PPP1R13B: variants seen among roughly 807,000 people sequenced by gnomAD.
PPP1R13B encodes protein phosphatase 1 regulatory subunit 13B.
In PPP1R13B, 44 loss-of-function variants were observed where a neutral mutation model predicts 119.8. That is an observed-to-expected ratio of 0.37 (90% confidence interval 0.29 to 0.47). PPP1R13B has a LOEUF of 0.47. PPP1R13B is among the 20% of genes least tolerant of loss of function. The pLI, the probability that PPP1R13B is intolerant of heterozygous loss-of-function variation, is 0.99. For missense variants in PPP1R13B, 1,227 were observed against 1,413.5 expected (o/e 0.87, Z 2.12); for synonymous variants, 542 against 561.5 (o/e 0.97, Z 0.49).
rs1345103860 is a variant in PPP1R13B, at chr14:103,733,915, C to T, written c.*1239G>A. 6.4e-6 allele frequency: 1 copy of T among 155,170 alleles called. No homozygotes were observed. Among genetic ancestry groups the T allele is most frequent in the Non-Finnish European group, 1.4e-5 (1 of 69,854 alleles). 9.6% of individuals were successfully genotyped at this position (155,170 alleles called of 1,614,324 possible). A position where few individuals can be genotyped will look rare whatever the true frequency, so the allele number is the denominator to read the frequency against. ...AAGGTGATGGGCTACAGTGCTGCAT[C>T]AGTGAGTCTGTACACACATTTTTAC... On this transcript the variant is annotated 3_prime_UTR_variant, in exon 17 of 17. Coordinates refer to ENST00000202556, the MANE Select transcript of PPP1R13B (RefSeq NM_015316.3).
chr14:103,761,761 T>G lies in PPP1R13B; in HGVS notation c.355-4010A>C, dbSNP rs1485849342. Among the ~76,000 whole-genome samples the G allele has an allele frequency of 4.4e-5, 6 of 135,134 alleles. No individual in the cohort carries two copies. In the Middle Eastern group the frequency reaches 0.012, roughly 270 times the overall value. The allele number at this position is 135,134 out of a possible 152,430, so 88.7% of individuals were successfully genotyped here. ...CTGGGCAACAGAGCAAGACTCCATC[T>G]CAAAAAAAAAAAAAGAAAAAGAAAA... On this transcript the variant is annotated intron_variant, in intron 4 of 16. Transcript: ENST00000202556.
rs932778922 is a variant in PPP1R13B, at chr14:103,841,605, G to GA, written c.9+5693dup. 1.6e-4 allele frequency among the ~76,000 whole-genome samples: 24 copies of GA among 151,518 alleles called. 1 individual carries two copies. The highest frequency in any genetic ancestry group is 4.6e-4 in the Admixed American group (7 of 15,174). On this transcript the variant is annotated intron_variant, in intron 1 of 16. Transcript: ENST00000202556. ...ACTCCAACTCAAAAAGAAAAAAAAA[G>GA]AAAAAAAAATTTTTTTAAATATTGT...
intron 1 of PPP1R13B, among the ~76,000 whole-genome samples, chr14:103,827,904 T>G (rs984912965): frequency 1.3e-5 from 2 of 152,074 alleles, no homozygotes; most frequent in East Asian, 3.9e-4. Context: ...AGCCTTAGTA[T>G]CTAACTACCA....
intron 1 of PPP1R13B, among the ~76,000 whole-genome samples, chr14:103,800,666 A>AT (rs1246750826): frequency 6.6e-6 from 1 of 151,912 alleles, no homozygotes; most frequent in Non-Finnish European, 1.5e-5. Flanking sequence ...AAAACAAAAA[A>AT]AACAAAAAAC....
At chr14:103,803,703 C>A (rs1024602338) in intron 1 of PPP1R13B, among the ~76,000 whole-genome samples, 1 of 152,108 alleles carries the variant, frequency 6.6e-6, no homozygotes, top group African/African-American at 2.4e-5. Context: ...ATTTGGTTAG[C>A]TACAGTTAGG....
At position 103,816,319 on chromosome 14, in the gene PPP1R13B, G is replaced by A. The variant is rs1034695064; in HGVS notation, c.10-18801C>T. Among the ~76,000 whole-genome samples the A allele has an allele frequency of 1.1e-4, 16 of 145,132 alleles. 1 individual carries two copies. Among genetic ancestry groups the A allele is most frequent in the South Asian group, 5.1e-4 (2 of 3,954 alleles). ...AATACAGGTGCGTGCCACCACCCCC[G>A]GCTAATTTTTGTATTTTTAGTAGAG... On this transcript the variant is annotated intron_variant, in intron 1 of 16. Coordinates refer to ENST00000202556, the MANE Select transcript of PPP1R13B (RefSeq NM_015316.3).
At position 103,737,828 on chromosome 14, in the gene PPP1R13B, C is replaced by G; in HGVS notation, c.2897G>C (p.Ser966Thr). 1 of 1,614,196 alleles carries G rather than the reference C, an allele frequency of 6.2e-7. No individual in the cohort carries two copies. Among genetic ancestry groups the G allele is most frequent in the Non-Finnish European group, 8.5e-7 (1 of 1,180,034 alleles). The change falls in exon 15 of 17, where the codon AGC (serine) becomes ACC (threonine). Residue 966 changes from serine to threonine, a missense_variant. Physicochemically the swap from Ser to Thr is moderately conservative, Grantham distance 58. Transcript: ENST00000202556. ...TPLHCAASCN[S>T]VHLCKQLVES... The stretch of plus-strand genomic sequence containing the variant: ...CACCAGCTGTTTGCAGAGGTGAACG[C>G]TGTTACAAGAGGCAGCGCAGTGCAG...
chr14:103,783,574 GTC>G, intron 3 of PPP1R13B, among the ~76,000 whole-genome samples: 1 of 149,784 alleles, frequency 6.7e-6, no homozygotes, highest in East Asian at 2.0e-4. Context: ...TTGAGACAGG[GTC>G]TCTCTCTGTT....
At chr14:103,802,750 G>T (rs565928575) in intron 1 of PPP1R13B, among the ~76,000 whole-genome samples, 1 of 152,124 alleles carries the variant, frequency 6.6e-6, no homozygotes, top group Non-Finnish European at 1.5e-5. Context: ...CAGCTCATGA[G>T]TAAGTTCAAT....
Position 103,762,710 on chromosome 14 carries a change from G to T in PPP1R13B, c.355-4959C>A. On this transcript the variant is annotated intron_variant, in intron 4 of 16. Transcript: ENST00000202556. ...AGAGCAAGAGAACGACTCAGTCCCT[G>T]GGTGTCGGCGGTGGCCGTGGGGGTG... 4 of 628,688 alleles carry T rather than the reference G, an allele frequency of 6.4e-6. No homozygotes were observed. In the Admixed American group the frequency reaches 6.8e-5, roughly 11 times the overall value. The allele number at this position is 628,688 out of a possible 1,614,324, so 38.9% of individuals were successfully genotyped here.
At chr14:103,783,213 CT>C (rs35583523) in intron 3 of PPP1R13B, among the ~76,000 whole-genome samples, 3 of 151,180 alleles carry the variant, frequency 2.0e-5, no homozygotes, top group African/African-American at 7.3e-5. Context: ...TATCTTTTGA[CT>C]TTTTTTTTAG....
At chr14:103,811,094 C>CA (rs36017203) in intron 1 of PPP1R13B, among the ~76,000 whole-genome samples, 2,414 of 65,110 alleles carry the variant, frequency 0.037, 66 homozygotes, top group East Asian at 0.13. Flanking sequence ...GACTCCTCCT[C>CA]AAAAAAAAAA....
At position 103,844,049 on chromosome 14, in the gene PPP1R13B, T is replaced by G. The variant is rs969438971; in HGVS notation, c.9+3250A>C. Among the ~76,000 whole-genome samples the G allele has an allele frequency of 3.3e-5, 5 of 150,842 alleles. No homozygotes were observed. The South Asian group carries it at 1.1e-3, about 32-fold the overall frequency. ...TGGGAGGCTGGGGCGGGCAGATCACTCAAGCTCAGAAATTCGAGACCAGCT... is the reference window on the plus strand; with the variant it reads ...TGGGAGGCTGGGGCGGGCAGATCACGCAAGCTCAGAAATTCGAGACCAGCT... On this transcript the variant is annotated intron_variant, in intron 1 of 16. Coordinates refer to ENST00000202556, the MANE Select transcript of PPP1R13B (RefSeq NM_015316.3).
At chr14:103,744,787 G>A (rs2084347780) in intron 9 of PPP1R13B, among the ~76,000 whole-genome samples, 1 of 152,220 alleles carries the variant, frequency 6.6e-6, no homozygotes. Context: ...TCACAGCCCA[G>A]CTCCACCTCT....
chr14:103,830,422 C>T (rs925218436), intron 1 of PPP1R13B, among the ~76,000 whole-genome samples: 2 of 152,072 alleles, frequency 1.3e-5, no homozygotes, highest in African/African-American at 2.4e-5. Context: ...TATGTAACAA[C>T]TCATTTAAAA....
At chr14:103,788,474 A>G (rs1349564564) in intron 2 of PPP1R13B, among the ~76,000 whole-genome samples, 1 of 152,162 alleles carries the variant, frequency 6.6e-6, no homozygotes. Flanking sequence ...GGATGCATGT[A>G]TGGTTTATTC....
rs920771735 is a variant in PPP1R13B, at chr14:103,742,083, G to A, written c.1529C>T (p.Pro510Leu). Residue 510 changes from proline (P) to leucine (L), a missense_variant, in exon 11 of 17, where the codon CCC (proline) becomes CTC (leucine). Physicochemically the swap from Pro to Leu is moderately conservative, Grantham distance 98 (BLOSUM62 -3). Transcript: ENST00000202556. This position sits in a 1 kb window ranked among gnomAD's most constrained non-coding sequence, Gnocchi z 4.9. The part of the protein sequence containing the change: ...PTLLPATGST[P>L]QPGSSQQIQQ... ...AATCTGTTGTGAGGAGCCTGGCTGG[G>A]GGGTGCTGCCTGTGGCGGGCAGCAG... 1.2e-6 allele frequency: 2 copies of A among 1,613,866 alleles called. No homozygotes were observed. Among genetic ancestry groups the A allele is most frequent in the African/African-American group, 2.7e-5 (2 of 74,950 alleles).
intron 1 of PPP1R13B, among the ~76,000 whole-genome samples, chr14:103,816,167 T>TA (rs2086274841): frequency 6.6e-6 from 1 of 151,694 alleles, no homozygotes; most frequent in Admixed American, 6.6e-5. Flanking sequence ...AAACAACTTT[T>TA]TTTTTTTTTT....
intron 1 of PPP1R13B, among the ~76,000 whole-genome samples, chr14:103,818,833 T>C (rs1189651907): frequency 1.3e-5 from 2 of 152,122 alleles, no homozygotes; most frequent in African/African-American, 2.4e-5. Context: ...TACTATATAG[T>C]TGGGAAAAAG....
Sources: allele counts gnomAD v4.1 joint callset (sites outside exome capture counted in the v4.1 genomes callset), GRCh38; gene constraint gnomAD v4.1.1; non-coding constraint Gnocchi (gnomAD v3.1); transcripts MANE v1.5; gene names NCBI Gene and HGNC (gene_info 2026-07-23, HGNC 2026-07-21).